The following KLRD1 variants were observed in gnomAD, a reference collection of about 807,000 sequenced individuals.
KLRD1 encodes killer cell lectin like receptor D1.
A neutral mutation model predicts 22.6 loss-of-function variants in KLRD1; 21 were observed. That is an observed-to-expected ratio of 0.93 (90% confidence interval 0.66 to 1.34). The LOEUF (loss-of-function observed/expected upper bound fraction) is 1.34, where lower values mean the gene tolerates loss of function less well. KLRD1 is among the 40% of genes most tolerant of loss of function. The pLI is 0.00. For missense variants in KLRD1, 183 were observed against 208.6 expected, an observed-to-expected ratio of 0.88 and a Z score of 0.76; for synonymous variants, 59 against 71.1, an observed-to-expected ratio of 0.83 and a Z score of 0.85.
intron 1 of KLRD1, among the ~76,000 whole-genome samples, chr12:10,283,650 A>G (rs1395292887): frequency 6.6e-5 from 10 of 152,022 alleles, no homozygotes; most frequent in Admixed American, 5.9e-4. Context: ...CCCTCTTCCT[A>G]CCTTCCAAAT....
chr12:10,306,642 T>C (rs190954420), upstream of KLRD1, among the ~76,000 whole-genome samples: 2 of 152,226 alleles, frequency 1.3e-5, no homozygotes, highest in East Asian at 1.9e-4. Context: ...TAAAAATGAA[T>C]AGATTTCAAG....
chr12:10,263,267 G>A (rs1271394774), intron 1 of KLRD1, among the ~76,000 whole-genome samples: 1 of 151,878 alleles, frequency 6.6e-6, no homozygotes, highest in African/African-American at 2.4e-5. Flanking sequence ...CATCTTCAGA[G>A]GCTATGAACT....
upstream of KLRD1, among the ~76,000 whole-genome samples, chr12:10,306,668 T>G (rs1020840891): frequency 6.6e-6 from 1 of 152,198 alleles, no homozygotes; most frequent in Non-Finnish European, 1.5e-5. Context: ...AAAGGATTTT[T>G]AAATAAATCA....
chr12:10,239,906 T>C (rs1386527989), intron 1 of KLRD1, among the ~76,000 whole-genome samples: 1 of 151,842 alleles, frequency 6.6e-6, no homozygotes, highest in African/African-American at 2.4e-5. Flanking sequence ...CCTTCCAAAG[T>C]GTTGGGATTA....
rs1950317354 is a variant in KLRD1, at chr12:10,322,108, A to AGGCACC, written c.*7315_*7316insGGCACC. ...GTCACCCAGGCTGGAGTGCAGTGGC[A>AGGCACC]CAGTCTTGGCTCACTGCAACCTCTG... is the stretch of plus-strand genomic sequence containing the variant. On this transcript the variant is annotated 3_prime_UTR_variant, in exon 6 of 6. Coordinates refer to ENST00000336164, the MANE Select transcript of KLRD1 (RefSeq NM_002262.5). The AGGCACC allele has an allele frequency of 6.6e-6, 1 of 152,372 alleles. No homozygotes were observed. The highest frequency in any genetic ancestry group is 1.5e-5 in the Non-Finnish European group (1 of 68,180). 9.4% of individuals were successfully genotyped at this position (152,372 alleles called of 1,614,324 possible). A position where few individuals can be genotyped will look rare whatever the true frequency, so the allele number is the denominator to read the frequency against.
chr12:10,284,811 G>A (rs964143947), intron 1 of KLRD1, among the ~76,000 whole-genome samples: 6 of 151,996 alleles, frequency 3.9e-5, no homozygotes, highest in African/African-American at 7.3e-5. Context: ...GAGAAATCCC[G>A]TCTCTACTAA....
At chr12:10,257,307 A>G (rs916247518) in intron 1 of KLRD1, among the ~76,000 whole-genome samples, 2 of 150,164 alleles carry the variant, frequency 1.3e-5, no homozygotes, top group African/African-American at 2.4e-5. Context: ...AAATTTCTTT[A>G]TTTTTTAAAT....
chr12:10,244,714 C>T (rs1041695139), intron 1 of KLRD1, among the ~76,000 whole-genome samples: 2 of 151,920 alleles, frequency 1.3e-5, no homozygotes, highest in African/African-American at 2.4e-5. Context: ...ACCTGGGAGG[C>T]AGGGGTTGCA....
intron 1 of KLRD1, among the ~76,000 whole-genome samples, chr12:10,256,469 CCTT>C (rs1949397244): frequency 9.1e-5 from 1 of 11,000 alleles, no homozygotes; most frequent in Non-Finnish European, 1.6e-3. Flanking sequence ...ATTATCTTCT[CCTT>C]TCCTTTTGTG....
At chr12:10,275,035 G>A (rs569199574) in intron 1 of KLRD1, among the ~76,000 whole-genome samples, 3 of 152,050 alleles carry the variant, frequency 2.0e-5, no homozygotes, top group Admixed American at 1.3e-4. Flanking sequence ...GATTACAGGC[G>A]TTTGCCACCA....
At position 10,307,968 on chromosome 12, in the gene KLRD1, C is replaced by A; in HGVS notation, c.-110C>A. On this transcript the variant is annotated 5_prime_UTR_variant, in exon 1 of 6. Transcript: ENST00000336164. ...TATTTTTGCTAAATTTCTTCATACTCAACTTTCAGATTCTTTAATCTCCAG... is the reference window on the plus strand; with the variant it reads ...TATTTTTGCTAAATTTCTTCATACTAAACTTTCAGATTCTTTAATCTCCAG... 1 of 981,990 alleles carries A rather than the reference C, an allele frequency of 1.0e-6. No individual in the cohort carries two copies. Among genetic ancestry groups the A allele is most frequent in the Non-Finnish European group, 1.6e-6 (1 of 627,156 alleles). The allele number at this position is 981,990 out of a possible 1,614,324, so 60.8% of individuals were successfully genotyped here. A position where few individuals can be genotyped will look rare whatever the true frequency, so the allele number is the denominator to read the frequency against.
At chr12:10,240,382 CT>C (rs1001366412) in intron 1 of KLRD1, among the ~76,000 whole-genome samples, 10 of 148,938 alleles carry the variant, frequency 6.7e-5, no homozygotes, top group African/African-American at 9.8e-5. Context: ...TTCTACATGC[CT>C]TTTTTTTTTC....
intron 1 of KLRD1, among the ~76,000 whole-genome samples, chr12:10,284,875 G>A (rs565788336): frequency 6.6e-6 from 1 of 152,236 alleles, no homozygotes; most frequent in South Asian, 2.1e-4. Flanking sequence ...CAGCTACTCA[G>A]GAGGCTGAGG....
intron 1 of KLRD1, among the ~76,000 whole-genome samples, chr12:10,247,336 G>A (rs544856140): frequency 6.6e-6 from 1 of 152,128 alleles, no homozygotes; most frequent in East Asian, 1.9e-4. Flanking sequence ...TTATTGGAAT[G>A]TGATTTAGTT....
rs1247541566 is a variant in KLRD1, at chr12:10,318,759, TG to T, written c.*3968del. 1 of 138,962 alleles carries T rather than the reference TG, an allele frequency of 7.2e-6. No individual in the cohort carries two copies. Among genetic ancestry groups the T allele is most frequent in the Non-Finnish European group, 1.5e-5 (1 of 66,912 alleles). The allele number at this position is 138,962 out of a possible 1,614,324, so 8.6% of individuals were successfully genotyped here. ...TACTCGGGAGGCTGAGGCAGGAGAA[TG>T]GCGAGAACCCGGGAGACGGAGTTTA... On this transcript the variant is annotated 3_prime_UTR_variant, in exon 6 of 6. Transcript: ENST00000336164.
intron 1 of KLRD1, among the ~76,000 whole-genome samples, chr12:10,273,496 A>G (rs1949567027): frequency 6.6e-6 from 1 of 152,212 alleles, no homozygotes; most frequent in African/African-American, 2.4e-5. Flanking sequence ...TGAAAGGACT[A>G]AAGTGTGCAT....
chr12:10,319,862 A>G lies in KLRD1; in HGVS notation c.*5069A>G, dbSNP rs1034676686. On this transcript the variant is annotated 3_prime_UTR_variant, in exon 6 of 6. Coordinates refer to ENST00000336164, the MANE Select transcript of KLRD1 (RefSeq NM_002262.5). ...AGCTGTGTGAAATAGTAAAGTGTTT[A>G]TTCTTTTTTTTTTTTTTTTTTTTGA... 13 of 124,810 alleles carry G rather than the reference A, an allele frequency of 1.0e-4. No homozygotes were observed. Among genetic ancestry groups the G allele is most frequent in the Admixed American group, 3.1e-4 (4 of 12,770 alleles). 7.7% of individuals were successfully genotyped at this position (124,810 alleles called of 1,614,324 possible). A position where few individuals can be genotyped will look rare whatever the true frequency, so the allele number is the denominator to read the frequency against.
rs544171013 is a variant in KLRD1, at chr12:10,314,714, C to T, written c.461C>T (p.Ala154Val). 72 of 1,593,022 alleles carry T rather than the reference C, an allele frequency of 4.5e-5. No homozygotes were observed. The highest frequency in any genetic ancestry group is 3.3e-4 in the Middle Eastern group (2 of 6,050). Residue 154 changes from alanine (A) to valine (V), a missense_variant, in exon 6 of 6, where the codon GCG becomes GTG. Coordinates refer to ENST00000336164, the MANE Select transcript of KLRD1 (RefSeq NM_002262.5). The stretch of plus-strand genomic sequence containing the variant: ...ACTTTTAATACAAAGAACTGCATAG[C>T]GTATAATCCAAATGGAAATGCTTTA... The part of the protein sequence containing the change: ...FETFNTKNCI[A>V]YNPNGNALDE...
Position 10,325,770 on chromosome 12 carries a change from A to G in KLRD1, c.*10977A>G, listed in dbSNP as rs1950355874. On this transcript the variant is annotated 3_prime_UTR_variant, in exon 6 of 6. Transcript: ENST00000336164. Reference sequence around the variant, plus strand: ...GCTACTGTGACTAGTATAGCAATGGACAGTAGTATACTAATATTTCTTTGA... The same window carrying G: ...GCTACTGTGACTAGTATAGCAATGGGCAGTAGTATACTAATATTTCTTTGA... 1 of 152,224 alleles carries G rather than the reference A, an allele frequency of 6.6e-6. No individual in the cohort carries two copies. 9.4% of individuals were successfully genotyped at this position (152,224 alleles called of 1,614,324 possible).
Sources: allele counts gnomAD v4.1 joint callset (sites outside exome capture counted in the v4.1 genomes callset), GRCh38; gene constraint gnomAD v4.1.1; transcripts MANE v1.5; gene names NCBI Gene and HGNC (gene_info 2026-07-23, HGNC 2026-07-21).